The following ZNF738 variants were observed in gnomAD, a reference collection of about 807,000 sequenced individuals.
The protein encoded by ZNF738 is protein ZNF738.
ZNF738 carries 10 observed loss-of-function variants against 9.2 expected under a neutral mutation model. The observed-to-expected ratio is 1.09, with a 90% CI of 0.67 to 1.85. The LOEUF (loss-of-function observed/expected upper bound fraction) is 1.85, where lower values mean the gene tolerates loss of function less well. Among genes scored for constraint, ZNF738 ranks in the 40% most tolerant of loss-of-function variants. The pLI, the probability that ZNF738 is intolerant of heterozygous loss-of-function variation, is 0.00. For synonymous variants in ZNF738, 113 were observed against 94.5 expected (o/e 1.20, Z -1.14); for missense variants, 346 against 283.6 (o/e 1.22, Z -1.58).
In ZNF738 at chr19:21,382,874, T is replaced by C. The variant is rs531557236; in HGVS notation, c.328T>C (p.Ser110Pro). 1.1e-4 allele frequency: 52 copies of C among 465,182 alleles called. No individual in the cohort carries two copies. In the Admixed American group the frequency reaches 1.3e-3, roughly 11 times the overall value. The allele number at this position is 465,182 out of a possible 1,614,324, so 28.8% of individuals were successfully genotyped here. ...SMVATPPVTY[S>P]HFAQDLWPQP... ...ATTTTTATTTCTTTCAGTTACATAT[T>C]CTCATTTTGCCCAGGACCTTTGGCC... Residue 110 changes from serine to proline, a missense_variant, in exon 5 of 5, where the codon TCT becomes CCT. Ser to Pro is a moderately conservative substitution (Grantham distance 74, BLOSUM62 -1). Transcript: ENST00000683779.
In ZNF738 at chr19:21,359,070, C is replaced by G; in HGVS notation, c.-71C>G. 1.1e-6 allele frequency: 1 copy of G among 910,350 alleles called. No individual in the cohort carries two copies. The allele number at this position is 910,350 out of a possible 1,614,324, so 56.4% of individuals were successfully genotyped here. ...GTGTCCTCTGCTCCTAGAGGCCCAG[C>G]CTCTGGTCCTGTGACCTGCAGGTAT... is the stretch of plus-strand genomic sequence containing the variant. On this transcript the variant is annotated 5_prime_UTR_variant, in exon 1 of 5. Coordinates refer to ENST00000683779, the MANE Select transcript of ZNF738 (RefSeq NM_001355237.2).
At position 21,385,456 on chromosome 19, in the gene ZNF738, C is replaced by CA. The variant is rs201148878; in HGVS notation, c.*1789dup. 5.4e-3 allele frequency among the ~76,000 whole-genome samples: 789 copies of CA among 144,918 alleles called. 7 individuals are homozygous for CA. Among genetic ancestry groups the CA allele is most frequent in the East Asian group, 0.021 (106 of 5,022 alleles). On this transcript the variant is annotated 3_prime_UTR_variant, in exon 5 of 5. Transcript: ENST00000683779. ...GGATGACAGAGAGAGACTCTATCTC[C>CA]AAAAAAATAAATAAATAAATAAAAA...
intron 4 of ZNF738, chr19:21,376,271 G>A (rs573864739): frequency 2.2e-4 from 47 of 216,542 alleles, no homozygotes; most frequent in African/African-American, 9.8e-4. Context: ...CAATCTGACT[G>A]CATTTCCATT....
chr19:21,381,736 ACC>A, intron 4 of ZNF738: 1 of 291,196 alleles, frequency 3.4e-6, no homozygotes. Context: ...CTCGTGATCC[ACC>A]CACCTCGGCC....
intron 4 of ZNF738, chr19:21,378,498 AC>A: frequency 4.4e-6 from 1 of 225,016 alleles, no homozygotes; most frequent in East Asian, 1.6e-4. Context: ...TCACTTGATA[AC>A]TATTTTCTTC....
intron 2 of ZNF738, chr19:21,372,805 A>G (rs1973873312): frequency 6.6e-6 from 1 of 152,238 alleles, no homozygotes; most frequent in African/African-American, 2.4e-5. Flanking sequence ...TTGAGCACAT[A>G]GTACCTGCTT....
In ZNF738 at chr19:21,383,509, T is replaced by G. The variant is rs1974032118; in HGVS notation, c.963T>G (p.Cys321Trp). 1 of 881,292 alleles carries G rather than the reference T, an allele frequency of 1.1e-6. No individual in the cohort carries two copies. The highest frequency in any genetic ancestry group is 1.6e-5 in the African/African-American group (1 of 61,272). 54.6% of individuals were successfully genotyped at this position (881,292 alleles called of 1,614,324 possible). A position where few individuals can be genotyped will look rare whatever the true frequency, so the allele number is the denominator to read the frequency against. ...AGEKPYKCEG[C>W]GKAFCQFSYL... ...AGAAACCCTACAAATGTGAAGGATGTGGCAAAGCTTTCTGCCAATTCTCAT... is the reference window on the plus strand; with the variant it reads ...AGAAACCCTACAAATGTGAAGGATGGGGCAAAGCTTTCTGCCAATTCTCAT... Residue 321 changes from cysteine (C) to tryptophan (W), a missense_variant, in exon 5 of 5, where the codon TGT becomes TGG. Physicochemically the swap from Cys to Trp is radical, Grantham distance 215. Coordinates refer to ENST00000683779, the MANE Select transcript of ZNF738 (RefSeq NM_001355237.2).
intron 4 of ZNF738, chr19:21,376,336 A>G (rs1973927621): frequency 6.1e-6 from 1 of 162,622 alleles, no homozygotes; most frequent in African/African-American, 2.4e-5. Context: ...ATGTTAAACT[A>G]TTTTTTTAGT....
chr19:21,360,747 C>A (rs10416025), intron 1 of ZNF738, among the ~76,000 whole-genome samples: 2,021 of 152,118 alleles, frequency 0.013, 54 homozygotes, highest in African/African-American at 0.043. Flanking sequence ...AGCCACCGGG[C>A]CTGGCCACTT....
chr19:21,377,768 AC>A (rs1179920339), intron 4 of ZNF738: 1 of 358,068 alleles, frequency 2.8e-6, no homozygotes, highest in African/African-American at 2.1e-5. Context: ...ATGTCAGCTG[AC>A]CCTTGTAGAA....
intron 2 of ZNF738, among the ~76,000 whole-genome samples, chr19:21,373,784 T>G (rs536460215): frequency 6.7e-5 from 10 of 148,722 alleles, no homozygotes; most frequent in Admixed American, 2.0e-4. Context: ...TGGCTTTTTT[T>G]TTTTTTTTCA....
At chr19:21,369,816 CTTTTT>C (rs548346186) in intron 2 of ZNF738, among the ~76,000 whole-genome samples, 1 of 138,304 alleles carries the variant, frequency 7.2e-6, no homozygotes, top group African/African-American at 2.6e-5. Context: ...CAGCTTCATT[CTTTTT>C]TTTTTTTTTT....
intron 4 of ZNF738, chr19:21,378,606 CTTT>C (rs11352402): frequency 6.8e-3 from 1,781 of 261,218 alleles, no homozygotes; most frequent in South Asian, 0.01. Flanking sequence ...AATAATATCA[CTTT>C]TTTTTTTTTT....
At chr19:21,371,902 A>G (rs1365659319) in intron 2 of ZNF738, 1 of 152,210 alleles carries the variant, frequency 6.6e-6, no homozygotes, top group Admixed American at 6.6e-5. Context: ...AGCAGTGGCA[A>G]AAATAGATTA....
In ZNF738 at chr19:21,386,727, A is replaced by G. The variant is rs1342065959; in HGVS notation, c.*3053A>G. Reference sequence around the variant, plus strand: ...GTTCTCAGTTATTATTATTATTTTTAGAGATGGAGTTTCACTCTTGTTGCC... The same window carrying G: ...GTTCTCAGTTATTATTATTATTTTTGGAGATGGAGTTTCACTCTTGTTGCC... On this transcript the variant is annotated 3_prime_UTR_variant, in exon 5 of 5. Transcript: ENST00000683779. 3 of 180,856 alleles carry G rather than the reference A, an allele frequency of 1.7e-5. No individual in the cohort carries two copies. Among genetic ancestry groups the G allele is most frequent in the Non-Finnish European group, 3.5e-5 (3 of 84,652 alleles). The allele number at this position is 180,856 out of a possible 1,614,324, so 11.2% of individuals were successfully genotyped here.
intron 2 of ZNF738, among the ~76,000 whole-genome samples, chr19:21,374,449 C>T (rs556176914): frequency 6.6e-6 from 1 of 152,304 alleles, no homozygotes; most frequent in African/African-American, 2.4e-5. Flanking sequence ...CGGTGTGCGT[C>T]AGCACATCAC....
intron 2 of ZNF738, among the ~76,000 whole-genome samples, chr19:21,370,910 A>G (rs1384813440): frequency 6.6e-6 from 1 of 152,146 alleles, no homozygotes; most frequent in Non-Finnish European, 1.5e-5. Flanking sequence ...AACAAAAGGC[A>G]TTTTCTGTAT....
At chr19:21,381,296 T>A in intron 4 of ZNF738, 3 of 1,589,842 alleles carry the variant, frequency 1.9e-6, no homozygotes, top group Non-Finnish European at 2.6e-6. Flanking sequence ...ACTGGATAAT[T>A]TGTCTTCAAC....
At chr19:21,369,106 T>G (rs1351292617) in intron 2 of ZNF738, among the ~76,000 whole-genome samples, 3 of 152,088 alleles carry the variant, frequency 2.0e-5, no homozygotes, top group African/African-American at 7.2e-5. Context: ...GATTAAATCT[T>G]TATTTTATTT....
Sources: allele counts gnomAD v4.1 joint callset (sites outside exome capture counted in the v4.1 genomes callset), GRCh38; gene constraint gnomAD v4.1.1; transcripts MANE v1.5; gene names NCBI Gene and HGNC (gene_info 2026-07-23, HGNC 2026-07-21).